The following MALRD1 variants were observed in gnomAD, a reference collection of about 807,000 sequenced individuals.
MALRD1 encodes the protein MAM and LDL receptor class A domain containing 1, also known as MAM and LDL-receptor class A domain-containing protein 1.
A neutral mutation model predicts 242.1 loss-of-function variants in MALRD1; 247 were observed. The observed-to-expected ratio is 1.02, with a 90% CI of 0.92 to 1.13. The LOEUF is 1.13. Ranked by LOEUF, MALRD1 falls within the 50% of genes most tolerant of loss-of-function variation. The pLI is 0.00. For synonymous variants in MALRD1, 995 were observed against 866.6 expected, an observed-to-expected ratio of 1.15 and a Z score of -2.60; for missense variants, 2,989 against 2,533.1, an observed-to-expected ratio of 1.18 and a Z score of -3.86.
At chr10:19,101,554 TATA>T (rs1331267705) in intron 4 of MALRD1, among the ~76,000 whole-genome samples, 2 of 136,408 alleles carry the variant, frequency 1.5e-5, no homozygotes, top group South Asian at 2.3e-4. Flanking sequence ...ATATAAAATA[TATA>T]ATATGTATAT....
chr10:19,297,627 A>G (rs1841769689), intron 21 of MALRD1, among the ~76,000 whole-genome samples: 1 of 151,964 alleles, frequency 6.6e-6, no homozygotes, highest in Non-Finnish European at 1.5e-5. Context: ...CCTATGAAAT[A>G]TTACTTTCGA....
At chr10:19,469,608 TA>T (rs1490305155) in intron 29 of MALRD1, among the ~76,000 whole-genome samples, 1 of 152,126 alleles carries the variant, frequency 6.6e-6, no homozygotes, top group African/African-American at 2.4e-5. Flanking sequence ...TTTTTGCTTT[TA>T]TGGAAGTAAG....
intron 33 of MALRD1, among the ~76,000 whole-genome samples, chr10:19,583,711 T>G (rs1422671097): frequency 6.6e-5 from 10 of 151,972 alleles, no homozygotes; most frequent in African/African-American, 2.4e-4. Flanking sequence ...TCTGCCCGGC[T>G]TTGGTATCAG....
intron 14 of MALRD1, among the ~76,000 whole-genome samples, chr10:19,189,033 GGA>G (rs547376782): frequency 6.6e-6 from 1 of 151,780 alleles, no homozygotes; most frequent in Non-Finnish European, 1.5e-5. Flanking sequence ...ATGGACCTAG[GGA>G]GAGAGAGAAA....
chr10:19,561,756 G>C (rs913333111), intron 32 of MALRD1, among the ~76,000 whole-genome samples: 1 of 151,688 alleles, frequency 6.6e-6, no homozygotes. Context: ...AAACAAGAAG[G>C]CTGGAATGCC....
At chr10:19,456,714 A>T (rs1387782657) in intron 29 of MALRD1, among the ~76,000 whole-genome samples, 1 of 152,112 alleles carries the variant, frequency 6.6e-6, no homozygotes, top group African/African-American at 2.4e-5. Flanking sequence ...TAGAAAAGTA[A>T]TGCACATCTC....
At chr10:19,374,560 A>T (rs1213226287) in intron 26 of MALRD1, among the ~76,000 whole-genome samples, 1 of 152,228 alleles carries the variant, frequency 6.6e-6, no homozygotes, top group African/African-American at 2.4e-5. Flanking sequence ...GATTTGAAGT[A>T]TCACTTAAAT....
chr10:19,221,991 G>A (rs999260629), intron 18 of MALRD1, among the ~76,000 whole-genome samples: 1 of 152,110 alleles, frequency 6.6e-6, no homozygotes, highest in African/African-American at 2.4e-5. Flanking sequence ...AAAATACCGA[G>A]TGTGAACATA....
chr10:19,249,954 G>T (rs1053756963), intron 18 of MALRD1, among the ~76,000 whole-genome samples: 4 of 151,776 alleles, frequency 2.6e-5, no homozygotes, highest in Non-Finnish European at 4.4e-5. Flanking sequence ...TTTGGGATTT[G>T]GTGTCTCCTT....
intron 18 of MALRD1, among the ~76,000 whole-genome samples, chr10:19,230,091 G>A (rs548124351): frequency 2.8e-4 from 43 of 152,200 alleles, no homozygotes; most frequent in African/African-American, 9.1e-4. Flanking sequence ...TTTGCTGTTT[G>A]CCTGCTGCCA....
chr10:19,476,051 CT>C (rs1836714600), intron 29 of MALRD1, among the ~76,000 whole-genome samples: 1 of 152,136 alleles, frequency 6.6e-6, no homozygotes, highest in Non-Finnish European at 1.5e-5. Flanking sequence ...AGTTAATATT[CT>C]TTTTAGTGCA....
At chr10:19,264,166 C>A (rs190932753) in intron 19 of MALRD1, among the ~76,000 whole-genome samples, 1 of 152,164 alleles carries the variant, frequency 6.6e-6, no homozygotes, top group African/African-American at 2.4e-5. Flanking sequence ...TGTCAAATGC[C>A]TTTTCTACAT....
chr10:19,646,326 C>T lies in MALRD1; in HGVS notation c.6137+30403C>T, dbSNP rs937663405. On this transcript the variant is annotated intron_variant, in intron 36 of 39. Coordinates refer to ENST00000454679, the MANE Select transcript of MALRD1 (RefSeq NM_001142308.3). ...GTAGATCATAAAATATTTTAGGGCTCGGCCCAGTGGCTCATGCCTATAATG... is the reference window on the plus strand; with the variant it reads ...GTAGATCATAAAATATTTTAGGGCTTGGCCCAGTGGCTCATGCCTATAATG... Among the ~76,000 whole-genome samples the T allele has an allele frequency of 7.2e-5, 11 of 152,228 alleles. 1 individual carries two copies. Among genetic ancestry groups the T allele is most frequent in the Middle Eastern group, 3.4e-3 (1 of 294 alleles).
rs942637749 is a variant in MALRD1, at chr10:19,087,668, C to A, written c.341-172C>A. ...ACATCATGGAGAATGGGGTATCCAT[C>A]CCCTAAGCATTGATCTTTTATGTTA... is the stretch of plus-strand genomic sequence containing the variant. On this transcript the variant is annotated intron_variant, in intron 2 of 39. Transcript: ENST00000454679. Among the ~76,000 whole-genome samples, 9 of 151,950 alleles carry A rather than the reference C, an allele frequency of 5.9e-5. No homozygotes were observed. The East Asian group carries it at 1.7e-3, about 30-fold the overall frequency.
At chr10:19,053,882 T>G (rs1388314775) in intron 1 of MALRD1, among the ~76,000 whole-genome samples, 1 of 152,120 alleles carries the variant, frequency 6.6e-6, no homozygotes, top group Non-Finnish European at 1.5e-5. Flanking sequence ...AACCTTTTAT[T>G]TTTACTCAGT....
chr10:19,652,775 T>C (rs1840955541), intron 36 of MALRD1, among the ~76,000 whole-genome samples: 1 of 152,230 alleles, frequency 6.6e-6, no homozygotes, highest in Non-Finnish European at 1.5e-5. Flanking sequence ...TCCCATTTTA[T>C]AGTTGAAGAA....
At chr10:19,153,958 CT>C (rs1427998931) in intron 11 of MALRD1, among the ~76,000 whole-genome samples, 1 of 152,096 alleles carries the variant, frequency 6.6e-6, no homozygotes, top group Non-Finnish European at 1.5e-5. Flanking sequence ...TTTTGATCAT[CT>C]TTTTAAAAAT....
At chr10:19,606,442 G>A (rs533144299) in intron 34 of MALRD1, among the ~76,000 whole-genome samples, 1 of 152,290 alleles carries the variant, frequency 6.6e-6, no homozygotes, top group East Asian at 1.9e-4. Context: ...GTGCAAGACA[G>A]TTCTGACTAT....
At chr10:19,344,650 A>G (rs1308787325) in intron 24 of MALRD1, among the ~76,000 whole-genome samples, 1 of 150,894 alleles carries the variant, frequency 6.6e-6, no homozygotes, top group East Asian at 1.9e-4. Context: ...CGTTCTATAT[A>G]TATTTTATAA....
Sources: allele counts gnomAD v4.1 joint callset (sites outside exome capture counted in the v4.1 genomes callset), GRCh38; gene constraint gnomAD v4.1.1; transcripts MANE v1.5; gene names NCBI Gene and HGNC (gene_info 2026-07-23, HGNC 2026-07-21).